The following EHBP1 variants were observed in gnomAD, a reference collection of about 807,000 sequenced individuals.
EHBP1 encodes EH domain binding protein 1.
In EHBP1, 55 loss-of-function variants were observed where a neutral mutation model predicts 144.0. That is an observed-to-expected ratio of 0.38 (90% CI 0.31 to 0.48). The LOEUF (loss-of-function observed/expected upper bound fraction) is 0.48. Ranked by LOEUF, EHBP1 falls within the 20% of genes least tolerant of loss-of-function variation. The pLI, the probability that EHBP1 is intolerant of heterozygous loss-of-function variation, is 0.98. For missense variants in EHBP1, 1,200 were observed against 1,364.2 expected (o/e 0.88, Z 1.90); for synonymous variants, 469 against 472.7 (o/e 0.99, Z 0.10).
rs992424987 is a variant in EHBP1, at chr2:62,731,180, G to A, written c.105-16215G>A. Among the ~76,000 whole-genome samples, 11 of 151,918 alleles carry A rather than the reference G, an allele frequency of 7.2e-5. No homozygotes were observed. In the South Asian group the frequency reaches 2.3e-3, roughly 32 times the overall value. ...TGGTGCTAATATAAATGGTATTCCT[G>A]TTTTTAAATTCCAATTCCAATTGGT... is the stretch of plus-strand genomic sequence containing the variant. On this transcript the variant is annotated intron_variant, in intron 2 of 22. Coordinates refer to ENST00000431489, the MANE Select transcript of EHBP1 (RefSeq NM_001142616.3).
At chr2:62,876,992 T>C (rs1299179577) in intron 10 of EHBP1, among the ~76,000 whole-genome samples, 1 of 152,174 alleles carries the variant, frequency 6.6e-6, no homozygotes, top group Non-Finnish European at 1.5e-5. Flanking sequence ...CAAATCCACA[T>C]ATGACAATAT....
At chr2:62,843,123 G>A (rs540972672) in intron 7 of EHBP1, among the ~76,000 whole-genome samples, 75 of 152,172 alleles carry the variant, frequency 4.9e-4, no homozygotes, top group African/African-American at 1.7e-3. Context: ...TCTATTTTGT[G>A]TTATTTACAT....
At chr2:62,842,951 AT>A (rs2048023388) in intron 7 of EHBP1, among the ~76,000 whole-genome samples, 1 of 152,218 alleles carries the variant, frequency 6.6e-6, no homozygotes, top group African/African-American at 2.4e-5. Context: ...TATAGATGTA[AT>A]GATTCAATAA....
intron 5 of EHBP1, among the ~76,000 whole-genome samples, chr2:62,808,680 A>AT (rs1358518440): frequency 6.6e-6 from 1 of 150,992 alleles, no homozygotes; most frequent in Non-Finnish European, 1.5e-5. Context: ...ATGCCTGGTG[A>AT]TTTTTTCTTG....
Position 62,859,170 on chromosome 2 carries a change from G to A in EHBP1, c.636G>A (p.Glu212=). The A allele has an allele frequency of 1.9e-6, 3 of 1,609,634 alleles. No homozygotes were observed. The highest frequency in any genetic ancestry group is 2.5e-6 in the Non-Finnish European group (3 of 1,177,292). The change falls in exon 8 of 23, where the codon GAG becomes GAA. Residue 212 remains glutamate (E), a splice_region_variant and synonymous_variant. Coordinates refer to ENST00000431489, the MANE Select transcript of EHBP1 (RefSeq NM_001142616.3). ...ACTAACCCATATGTTTATTTTCAGA[G>A]CTTATCAACAAACTTAACTTTTTGG... ...NQEEKAAKIT[E]LINKLNFLDE... is the part of the protein sequence containing the mutation.
intron 14 of EHBP1, among the ~76,000 whole-genome samples, chr2:62,974,715 G>A (rs1321159579): frequency 2.6e-5 from 4 of 152,254 alleles, no homozygotes; most frequent in African/African-American, 7.2e-5. Context: ...TGCAGTTCAT[G>A]TGCTTCATAT....
At position 62,866,138 on chromosome 2, in the gene EHBP1, C is replaced by T. The variant is rs147306320; in HGVS notation, c.998+1167C>T. Among the ~76,000 whole-genome samples the T allele has an allele frequency of 6.1e-3, 927 of 152,324 alleles. 11 individuals carry two copies. The highest frequency in any genetic ancestry group is 0.021 in the Admixed American group (314 of 15,304). ...TAACACATGGGACATTCAGTAGAGGCCTCAGAGAGGTATTGCATCAGTTGT... is the reference window on the plus strand; with the variant it reads ...TAACACATGGGACATTCAGTAGAGGTCTCAGAGAGGTATTGCATCAGTTGT... On this transcript the variant is annotated intron_variant, in intron 9 of 22. Transcript: ENST00000431489.
At chr2:62,962,572 T>C (rs140288901) in intron 14 of EHBP1, among the ~76,000 whole-genome samples, 166 of 152,336 alleles carry the variant, frequency 1.1e-3, no homozygotes, top group African/African-American at 3.7e-3. Context: ...CTTGGAATTT[T>C]TGTTAGCATA....
chr2:62,814,455 T>C (rs2152544391), intron 5 of EHBP1, among the ~76,000 whole-genome samples: 1 of 152,384 alleles, frequency 6.6e-6, no homozygotes, highest in South Asian at 2.1e-4. Context: ...TAGCACAAAA[T>C]AGATTAACAC....
chr2:62,755,114 T>G (rs1039530675), intron 3 of EHBP1, among the ~76,000 whole-genome samples: 7 of 152,208 alleles, frequency 4.6e-5, no homozygotes, highest in East Asian at 1.9e-4. Flanking sequence ...GCTGTTCCTA[T>G]TTGGCCATCT....
At chr2:62,956,937 G>A (rs1194750254) in intron 14 of EHBP1, among the ~76,000 whole-genome samples, 1 of 152,076 alleles carries the variant, frequency 6.6e-6, no homozygotes, top group Non-Finnish European at 1.5e-5. Context: ...ATAGCATGGT[G>A]GCTGACTTCC....
intron 1 of EHBP1, among the ~76,000 whole-genome samples, chr2:62,674,310 C>T (rs1202983419): frequency 6.6e-6 from 1 of 152,078 alleles, no homozygotes; most frequent in African/African-American, 2.4e-5. Context: ...GGGGGCTTAC[C>T]TGAGCATTCA....
chr2:62,819,772 A>G (rs1217736003), intron 5 of EHBP1, among the ~76,000 whole-genome samples: 1 of 112,540 alleles, frequency 8.9e-6, no homozygotes. Flanking sequence ...TCAAAAAAAC[A>G]AAAAAAAAAA....
intron 4 of EHBP1, among the ~76,000 whole-genome samples, chr2:62,765,028 A>G (rs185824786): frequency 8.6e-4 from 131 of 152,194 alleles, no homozygotes; most frequent in South Asian, 6.2e-3. Flanking sequence ...TGAGAAGGAC[A>G]ATGGCTCTTC....
chr2:62,979,178 T>A lies in EHBP1; in HGVS notation c.2461-10T>A. The A allele has an allele frequency of 6.2e-7, 1 of 1,609,638 alleles. No homozygotes were observed. The highest frequency in any genetic ancestry group is 8.5e-7 in the Non-Finnish European group (1 of 1,177,820). Reference sequence around the variant, plus strand: ...AATTACTGAGTTGGCAACTGTTCAATATATCTTAGCAGCAAGATGAAGAGC... The same window carrying A: ...AATTACTGAGTTGGCAACTGTTCAAAATATCTTAGCAGCAAGATGAAGAGC... On this transcript the variant is annotated splice_polypyrimidine_tract_variant and intron_variant, in intron 14 of 22. Coordinates refer to ENST00000431489, the MANE Select transcript of EHBP1 (RefSeq NM_001142616.3).
intron 10 of EHBP1, among the ~76,000 whole-genome samples, chr2:62,884,595 A>G (rs1022518825): frequency 1.8e-4 from 27 of 152,346 alleles, no homozygotes; most frequent in African/African-American, 6.0e-4. Context: ...ATTTGAAAAA[A>G]TGTAGACTAT....
At chr2:62,818,641 C>T (rs189390682) in intron 5 of EHBP1, among the ~76,000 whole-genome samples, 59 of 152,146 alleles carry the variant, frequency 3.9e-4, no homozygotes, top group African/African-American at 1.4e-3. Context: ...GGAGTTAGAA[C>T]AGAATATACC....
intron 7 of EHBP1, among the ~76,000 whole-genome samples, chr2:62,839,402 A>C (rs1359845348): frequency 1.9e-3 from 264 of 135,562 alleles, no homozygotes; most frequent in African/African-American, 7.1e-3. Flanking sequence ...ATGGGCAAAA[A>C]CTGGAAGCAT....
chr2:62,782,476 A>G (rs2042504030), intron 5 of EHBP1, among the ~76,000 whole-genome samples: 2 of 152,312 alleles, frequency 1.3e-5, no homozygotes, highest in South Asian at 4.2e-4. Flanking sequence ...CACTGCTAAT[A>G]AAGACATACC....
Sources: gnomAD v4.1 joint callset for allele counts (sites outside exome capture counted in the v4.1 genomes callset) on GRCh38, gnomAD v4.1.1 for gene constraint, MANE v1.5 for transcripts, NCBI Gene and HGNC (gene_info 2026-07-23, HGNC 2026-07-21) for gene names.